Variants in SCLT1 observed in about 807,000 individuals in gnomAD.
SCLT1 encodes sodium channel and clathrin linker 1.
Under a neutral mutation model 112.8 loss-of-function variants are expected in SCLT1, and 78 were observed. The observed-to-expected ratio is 0.69, with a 90% confidence interval of 0.58 to 0.83. The LOEUF (loss-of-function observed/expected upper bound fraction) is 0.83. Ranked by LOEUF, SCLT1 falls within the 40% of genes least tolerant of loss-of-function variation. The pLI is 0.00. For synonymous variants in SCLT1, 257 were observed against 254.7 expected, an observed-to-expected ratio of 1.01 and a Z score of -0.09; for missense variants, 747 against 770.4, an observed-to-expected ratio of 0.97 and a Z score of 0.36.
intron 2 of SCLT1, among the ~76,000 whole-genome samples, chr4:129,067,683 G>A (rs895814005): frequency 6.6e-6 from 1 of 151,636 alleles, no homozygotes; most frequent in South Asian, 2.1e-4. Context: ...GCTAATTTTT[G>A]TTATTTTTAG....
intron 2 of SCLT1, among the ~76,000 whole-genome samples, chr4:129,055,513 C>T (rs1268792246): frequency 6.6e-6 from 1 of 152,194 alleles, no homozygotes; most frequent in Non-Finnish European, 1.5e-5. Context: ...CTGGCCACAG[C>T]CTCTTTGCTG....
At chr4:128,887,551 T>C (rs1732979203) in intron 20 of SCLT1, among the ~76,000 whole-genome samples, 1 of 152,140 alleles carries the variant, frequency 6.6e-6, no homozygotes, top group Non-Finnish European at 1.5e-5. Context: ...AATAATATAG[T>C]AATTTGATTT....
intron 6 of SCLT1, among the ~76,000 whole-genome samples, chr4:129,002,267 C>T (rs1743562658): frequency 6.6e-6 from 1 of 151,740 alleles, no homozygotes; most frequent in African/African-American, 2.4e-5. Flanking sequence ...TAAACCCATA[C>T]AAGATATGAA....
At chr4:128,883,423 G>A (rs1280624921), downstream of SCLT1, among the ~76,000 whole-genome samples, 1 of 152,010 alleles carries the variant, frequency 6.6e-6, no homozygotes, top group African/African-American at 2.4e-5. Flanking sequence ...AAAGGGTAGG[G>A]GAGGGACAGC....
At chr4:129,012,430 A>C (rs1744612718) in intron 5 of SCLT1, among the ~76,000 whole-genome samples, 1 of 152,148 alleles carries the variant, frequency 6.6e-6, no homozygotes, top group Admixed American at 6.5e-5. Context: ...GGAGTGTTTT[A>C]CTTCTGATTA....
chr4:128,902,340 G>A lies in SCLT1; in HGVS notation c.1830-11203C>T, dbSNP rs1038436009. ...TTTATCATTAATTTTATTGTTGTAT[G>A]AACACCACAGAGTTTGCTACACAAA... On this transcript the variant is annotated intron_variant, in intron 18 of 20. Transcript: ENST00000281142. 7.2e-5 allele frequency among the ~76,000 whole-genome samples: 11 copies of A among 152,242 alleles called. No homozygotes were observed. In the South Asian group the frequency reaches 1.2e-3, roughly 17 times the overall value.
intron 5 of SCLT1, among the ~76,000 whole-genome samples, chr4:129,005,609 A>C (rs981981510): frequency 3.3e-5 from 5 of 152,124 alleles, no homozygotes; most frequent in African/African-American, 4.8e-5. Flanking sequence ...TCAGTGTGGC[A>C]ATTCCTCAGG....
downstream of SCLT1, among the ~76,000 whole-genome samples, chr4:128,880,033 C>A (rs1305401135): frequency 1.3e-5 from 2 of 152,080 alleles, no homozygotes; most frequent in African/African-American, 4.8e-5. Context: ...TACTAGGATG[C>A]CACATGGATT....
intron 9 of SCLT1, among the ~76,000 whole-genome samples, chr4:128,976,658 T>C (rs1741201479): frequency 6.6e-6 from 1 of 152,208 alleles, no homozygotes; most frequent in Non-Finnish European, 1.5e-5. Flanking sequence ...CAAGCATATG[T>C]TAAGCAACAA....
chr4:128,975,464 C>T (rs1741082402), intron 9 of SCLT1, among the ~76,000 whole-genome samples: 1 of 152,024 alleles, frequency 6.6e-6, no homozygotes, highest in East Asian at 1.9e-4. Context: ...CTTTAATTAT[C>T]AATACACTTT....
chr4:129,068,143 T>C (rs1311465783), intron 2 of SCLT1, among the ~76,000 whole-genome samples: 1 of 152,192 alleles, frequency 6.6e-6, no homozygotes, highest in Non-Finnish European at 1.5e-5. Flanking sequence ...TCCAATCTCA[T>C]CCAGGTTGCT....
chr4:129,026,970 C>T (rs367679112), intron 5 of SCLT1, among the ~76,000 whole-genome samples: 8,869 of 151,912 alleles, frequency 0.058, 316 homozygotes, highest in African/African-American at 0.09. Context: ...ATAAATTCCT[C>T]GACACATACA....
At chr4:129,070,745 TTTGC>T (rs1402611279) in intron 2 of SCLT1, among the ~76,000 whole-genome samples, 5 of 152,116 alleles carry the variant, frequency 3.3e-5, no homozygotes, top group South Asian at 2.1e-4. Context: ...TTTTTGTTTG[TTTGC>T]TTGCTTGTTT....
intron 16 of SCLT1, among the ~76,000 whole-genome samples, chr4:128,943,793 A>G (rs1737915833): frequency 6.6e-6 from 1 of 152,102 alleles, no homozygotes; most frequent in Non-Finnish European, 1.5e-5. Context: ...AAATCAATAT[A>G]CTGCTAATTT....
chr4:128,886,888 A>T (rs1294394080), intron 20 of SCLT1, among the ~76,000 whole-genome samples: 1 of 152,128 alleles, frequency 6.6e-6, no homozygotes, highest in African/African-American at 2.4e-5. Context: ...AAGGTAGTTG[A>T]TTTTCGTAGA....
chr4:129,020,718 T>A (rs1222177136), intron 5 of SCLT1, among the ~76,000 whole-genome samples: 1 of 152,250 alleles, frequency 6.6e-6, no homozygotes, highest in Non-Finnish European at 1.5e-5. Flanking sequence ...CATATATTCC[T>A]TATTACTTAA....
intron 18 of SCLT1, among the ~76,000 whole-genome samples, chr4:128,928,274 T>C (rs1736461964): frequency 6.6e-6 from 1 of 152,096 alleles, no homozygotes; most frequent in East Asian, 1.9e-4. Flanking sequence ...AATTTGTTTT[T>C]GAGGCTAACA....
chr4:128,973,162 C>A (rs2126037400), intron 9 of SCLT1, among the ~76,000 whole-genome samples: 1 of 152,166 alleles, frequency 6.6e-6, no homozygotes, highest in South Asian at 2.1e-4. Context: ...TCACTAACTT[C>A]TCCTTGGCAA....
chr4:128,989,031 G>T (rs1180082907), intron 9 of SCLT1, among the ~76,000 whole-genome samples: 2 of 151,886 alleles, frequency 1.3e-5, no homozygotes, highest in African/African-American at 4.8e-5. Context: ...AATAACAGCT[G>T]AGAACTTCAA....
Sources: gnomAD v4.1 joint callset for allele counts (sites outside exome capture counted in the v4.1 genomes callset) on GRCh38, gnomAD v4.1.1 for gene constraint, MANE v1.5 for transcripts, NCBI Gene and HGNC (gene_info 2026-07-23, HGNC 2026-07-21) for gene names.